Variants in MDGA2 observed in about 807,000 individuals in gnomAD.
The protein encoded by MDGA2 is MAM domain containing glycosylphosphatidylinositol anchor 2, also known as MAM domain-containing glycosylphosphatidylinositol anchor protein 2.
A neutral mutation model predicts 117.8 loss-of-function variants in MDGA2; 40 were observed. The ratio of observed to expected loss-of-function variants is 0.34; its 90% CI spans 0.26 to 0.44. The LOEUF (loss-of-function observed/expected upper bound fraction) is 0.44, where lower values mean the gene tolerates loss of function less well. Ranked by LOEUF, MDGA2 falls within the 20% of genes least tolerant of loss-of-function variation. The pLI is 1.00. For synonymous variants in MDGA2, 452 were observed against 439.0 expected, an observed-to-expected ratio of 1.03 and a Z score of -0.37; for missense variants, 1,123 against 1,250.6, an observed-to-expected ratio of 0.90 and a Z score of 1.54.
At chr14:47,373,410 A>G (rs1426164186) in intron 1 of MDGA2, among the ~76,000 whole-genome samples, 1 of 152,130 alleles carries the variant, frequency 6.6e-6, no homozygotes, top group Non-Finnish European at 1.5e-5. Flanking sequence ...ACCACCTAAA[A>G]GGTGAAAAAA....
chr14:47,485,070 T>A (rs1894031435), intron 1 of MDGA2, among the ~76,000 whole-genome samples: 1 of 152,086 alleles, frequency 6.6e-6, no homozygotes, highest in East Asian at 1.9e-4. Flanking sequence ...TGGAACTGGG[T>A]AACAAGCAGA....
intron 4 of MDGA2, among the ~76,000 whole-genome samples, chr14:47,139,211 A>G (rs559911868): frequency 1.3e-5 from 2 of 152,184 alleles, no homozygotes; most frequent in East Asian, 3.9e-4. Flanking sequence ...CCCTTCCACC[A>G]TATATACCCA....
chr14:46,864,440 G>A (rs1159071454), intron 14 of MDGA2, among the ~76,000 whole-genome samples: 1 of 149,284 alleles, frequency 6.7e-6, no homozygotes, highest in African/African-American at 2.5e-5. Flanking sequence ...CTATAAGTCT[G>A]GTTTTTATTG....
chr14:47,056,855 A>G (rs1223571025), intron 7 of MDGA2, among the ~76,000 whole-genome samples: 2 of 152,272 alleles, frequency 1.3e-5, no homozygotes, highest in Middle Eastern at 3.4e-3. Context: ...ATTTTAGGCT[A>G]AAATTCACAT....
At chr14:47,348,685 C>A (rs1240356666) in intron 1 of MDGA2, among the ~76,000 whole-genome samples, 1 of 151,812 alleles carries the variant, frequency 6.6e-6, no homozygotes, top group East Asian at 1.9e-4. Flanking sequence ...GCAGAAAGAC[C>A]CAGAAACAGA....
chr14:47,629,106 G>A (rs925432286), intron 1 of MDGA2, among the ~76,000 whole-genome samples: 4 of 152,006 alleles, frequency 2.6e-5, no homozygotes, highest in Non-Finnish European at 4.4e-5. Flanking sequence ...CTCAGGGCCC[G>A]CCTCACATCC....
chr14:47,524,612 T>C (rs1002478649), intron 1 of MDGA2, among the ~76,000 whole-genome samples: 2 of 152,228 alleles, frequency 1.3e-5, no homozygotes, highest in Non-Finnish European at 2.9e-5. Flanking sequence ...TTAGTGGCGA[T>C]GAATTATCTT....
intron 1 of MDGA2, among the ~76,000 whole-genome samples, chr14:47,529,499 A>G (rs1192006654): frequency 6.6e-6 from 1 of 152,090 alleles, no homozygotes; most frequent in Non-Finnish European, 1.5e-5. Context: ...ATCCAATTAT[A>G]TACTTTTAGT....
intron 11 of MDGA2, among the ~76,000 whole-genome samples, chr14:46,879,942 T>C (rs1234067576): frequency 1.3e-5 from 2 of 152,152 alleles, no homozygotes; most frequent in African/African-American, 4.8e-5. Flanking sequence ...GCAGGAAACG[T>C]ATACTTAAGG....
chr14:47,670,184 C>T (rs143304578), intron 1 of MDGA2, among the ~76,000 whole-genome samples: 62 of 152,238 alleles, frequency 4.1e-4, no homozygotes, highest in African/African-American at 1.4e-3. Context: ...CTTAAGCTTA[C>T]TCTATTTATT....
intron 2 of MDGA2, among the ~76,000 whole-genome samples, chr14:47,294,641 C>A (rs540805847): frequency 3.3e-5 from 5 of 151,746 alleles, no homozygotes; most frequent in Non-Finnish European, 7.4e-5. Context: ...AACCTGCCCA[C>A]ATTAATTGGA....
intron 1 of MDGA2, among the ~76,000 whole-genome samples, chr14:47,319,996 C>T (rs928776474): frequency 6.6e-6 from 1 of 152,026 alleles, no homozygotes; most frequent in Admixed American, 6.6e-5. Context: ...AAGAAGAATG[C>T]CATATAAGCA....
At chr14:46,880,042 G>C (rs1882381702) in intron 11 of MDGA2, among the ~76,000 whole-genome samples, 2 of 152,018 alleles carry the variant, frequency 1.3e-5, no homozygotes, top group Admixed American at 6.6e-5. Context: ...AAAGAATCAC[G>C]TTTGGCCGGG....
chr14:47,112,862 G>T (rs1220507780), intron 5 of MDGA2, among the ~76,000 whole-genome samples: 1 of 152,116 alleles, frequency 6.6e-6, no homozygotes, highest in Admixed American at 6.6e-5. Context: ...CCCACCAACA[G>T]TGTAAAAACA....
intron 8 of MDGA2, among the ~76,000 whole-genome samples, chr14:46,996,244 A>T (rs1887286655): frequency 6.6e-6 from 1 of 152,208 alleles, no homozygotes; most frequent in Non-Finnish European, 1.5e-5. Flanking sequence ...TATCTTTCTA[A>T]ATCTCTACTC....
At chr14:47,557,297 C>G (rs1041316008) in intron 1 of MDGA2, among the ~76,000 whole-genome samples, 1 of 152,072 alleles carries the variant, frequency 6.6e-6, no homozygotes, top group African/African-American at 2.4e-5. Flanking sequence ...TGAGGATGGA[C>G]ACGTTTTAGT....
At chr14:47,520,653 T>C (rs1894850669) in intron 1 of MDGA2, among the ~76,000 whole-genome samples, 1 of 152,118 alleles carries the variant, frequency 6.6e-6, no homozygotes, top group African/African-American at 2.4e-5. Context: ...ACAATTCCAT[T>C]AAAATAAATG....
At chr14:47,401,820 TA>T (rs2138463745) in intron 1 of MDGA2, among the ~76,000 whole-genome samples, 1 of 152,248 alleles carries the variant, frequency 6.6e-6, no homozygotes, top group South Asian at 2.1e-4. Flanking sequence ...CTGAGTAAAT[TA>T]AGTGATAAAT....
At chr14:46,957,293 T>C in intron 9 of MDGA2, 81 bp downstream of exon 9, 1 of 1,360,214 alleles carries the variant, frequency 7.4e-7, no homozygotes, top group Non-Finnish European at 1.0e-6. Context: ...ACAAATGTTT[T>C]CATTCTTATA....
Sources: gnomAD v4.1 joint callset for allele counts (sites outside exome capture counted in the v4.1 genomes callset) on GRCh38, gnomAD v4.1.1 for gene constraint, MANE v1.5 for transcripts, NCBI Gene and HGNC (gene_info 2026-07-23, HGNC 2026-07-21) for gene names.